HOXC5: variants seen among roughly 807,000 people sequenced by gnomAD.
HOXC5 encodes homeobox C5.
HOXC5 carries 19 observed loss-of-function variants against 20.1 expected under a neutral mutation model. The ratio of observed to expected loss-of-function variants is 0.94; its 90% CI spans 0.66 to 1.38. The LOEUF (loss-of-function observed/expected upper bound fraction) is 1.38, where lower values mean the gene tolerates loss of function less well. Among genes scored for constraint, HOXC5 ranks in the 40% most tolerant of loss-of-function variants. The pLI is 0.00. For synonymous variants in HOXC5, 124 were observed against 117.0 expected (o/e 1.06, Z -0.39); for missense variants, 330 against 300.1 (o/e 1.10, Z -0.74).
chr12:54,023,235 G>A, the HOXC5 span, among the ~76,000 whole-genome samples: 11 of 152,332 alleles, frequency 7.2e-5, no homozygotes, highest in South Asian at 2.3e-3. Context: ...GCTGGAAGGG[G>A]GCTCAGGGCT....
chr12:54,030,122 A>C, upstream of HOXC5: 7 of 642,494 alleles, frequency 1.1e-5, no homozygotes, highest in Middle Eastern at 2.6e-4. Flanking sequence ...TCAGCTCTGG[A>C]CCCCCTCCCT....
chr12:54,026,946 C>A, the HOXC5 span, among the ~76,000 whole-genome samples: 13 of 137,844 alleles, frequency 9.4e-5, no homozygotes, highest in South Asian at 2.3e-4. Flanking sequence ...TCCCCCCCCC[C>A]AACCCACCCA....
chr12:54,018,262 G>A, the HOXC5 span, among the ~76,000 whole-genome samples: 4 of 152,354 alleles, frequency 2.6e-5, no homozygotes, highest in South Asian at 8.3e-4. Context: ...ACCCCCAGCC[G>A]CGGCCATCCC....
chr12:54,027,785 C>G, the HOXC5 span, among the ~76,000 whole-genome samples: 1 of 152,166 alleles, frequency 6.6e-6, no homozygotes, highest in African/African-American at 2.4e-5. Context: ...GCCACTGTAC[C>G]CTGAAGTCTT....
At chr12:54,024,912 C>G in the HOXC5 span, among the ~76,000 whole-genome samples, 1 of 152,260 alleles carries the variant, frequency 6.6e-6, no homozygotes, top group Non-Finnish European at 1.5e-5. Context: ...TTGGAGAGGA[C>G]TGGAGAAGCA....
chr12:54,032,132 A>G (rs1214967963), upstream of HOXC5, among the ~76,000 whole-genome samples: 1 of 152,126 alleles, frequency 6.6e-6, no homozygotes, highest in East Asian at 1.9e-4. Flanking sequence ...AGTCCTCTAG[A>G]CCATTGTCTG....
At chr12:54,022,190 C>T in the HOXC5 span, 1 of 152,170 alleles carries the variant, frequency 6.6e-6, no homozygotes, top group Non-Finnish European at 1.5e-5. Context: ...TACCCCACTC[C>T]TTTCTGCAGG....
chr12:54,020,768 A>C, the HOXC5 span: 1 of 152,282 alleles, frequency 6.6e-6, no homozygotes, highest in South Asian at 2.1e-4. Flanking sequence ...ATATGTGCTC[A>C]CTGGAATCGG....
the HOXC5 span, among the ~76,000 whole-genome samples, chr12:54,019,217 G>T: frequency 7.1e-6 from 1 of 140,992 alleles, no homozygotes; most frequent in African/African-American, 2.7e-5. Flanking sequence ...CGGCAGAGGC[G>T]TCTGACGAGG....
chr12:54,030,006 C>A, upstream of HOXC5: 1 of 1,443,892 alleles, frequency 6.9e-7, no homozygotes. Flanking sequence ...CTCCCTCGCT[C>A]CCCACCAACT....
intron 1 of HOXC5, 152 bp from the exon 2 acceptor site, chr12:54,034,126 T>G (rs1227046611): frequency 2.6e-6 from 2 of 768,676 alleles, no homozygotes; most frequent in Non-Finnish European, 4.6e-6. Flanking sequence ...GGGGCTGGGC[T>G]GGGCTGGCCC....
upstream of HOXC5, chr12:54,032,897 A>G: frequency 2.6e-6 from 1 of 388,620 alleles, no homozygotes; most frequent in South Asian, 5.3e-5. Context: ...GCCGGCTTCC[A>G]TCACTAACCT....
In HOXC5 at chr12:54,033,249, T is replaced by C. The variant is rs760811906; in HGVS notation, c.127T>C (p.Leu43=). Residue 43 remains leucine (L), a synonymous_variant, in exon 1 of 2, where the codon TTG becomes CTG. Coordinates refer to ENST00000312492, the MANE Select transcript of HOXC5 (RefSeq NM_018953.4). ...GGCATCCAGGTACTGCTACGGCGGA[T>C]TGGACTTAAGCATCACTTTCCCACC... The part of the protein sequence containing the change: ...VQASRYCYGG[L]DLSITFPPPA... 29 of 1,613,982 alleles carry C rather than the reference T, an allele frequency of 1.8e-5. No homozygotes were observed. The highest frequency in any genetic ancestry group is 5.3e-5 in the African/African-American group (4 of 74,904).
intron 1 of HOXC5, 149 bp downstream of exon 1, chr12:54,033,725 C>A (rs979792331): frequency 1.5e-6 from 1 of 669,424 alleles, no homozygotes; most frequent in Non-Finnish European, 2.5e-6. Context: ...GGCTTAGAGG[C>A]TGTGTGCGCC....
At chr12:54,023,633 T>C in the HOXC5 span, among the ~76,000 whole-genome samples, 1 of 152,110 alleles carries the variant, frequency 6.6e-6, no homozygotes, top group Non-Finnish European at 1.5e-5. Flanking sequence ...TCCCTGCTGA[T>C]CCCCAGCTCC....
the HOXC5 span, chr12:54,020,469 G>A: frequency 2.0e-5 from 3 of 152,258 alleles, no homozygotes; most frequent in Non-Finnish European, 4.4e-5. Flanking sequence ...CCGACAGAAT[G>A]CGACCTTGTT....
Position 54,034,962 on chromosome 12 carries a change from A to G in HOXC5, c.*470A>G, listed in dbSNP as rs1433892932. On this transcript the variant is annotated 3_prime_UTR_variant, in exon 2 of 2. Transcript: ENST00000312492. ...CAAAGGCTGGCGAGAGTCTGGCCCTAGACTCGGGGTGCTTCCTTGTAGCGA... is the reference window on the plus strand; with the variant it reads ...CAAAGGCTGGCGAGAGTCTGGCCCTGGACTCGGGGTGCTTCCTTGTAGCGA... 2 of 188,066 alleles carry G rather than the reference A, an allele frequency of 1.1e-5. No individual in the cohort carries two copies. The highest frequency in any genetic ancestry group is 2.3e-5 in the African/African-American group (1 of 42,598). 11.6% of individuals were successfully genotyped at this position (188,066 alleles called of 1,614,324 possible). A position where few individuals can be genotyped will look rare whatever the true frequency, so the allele number is the denominator to read the frequency against.
the HOXC5 span, among the ~76,000 whole-genome samples, chr12:54,018,293 C>T: frequency 1.3e-5 from 2 of 152,218 alleles, no homozygotes; most frequent in Non-Finnish European, 2.9e-5. Context: ...CCCACTGGAC[C>T]GGGATGCCCG....
Position 54,033,171 on chromosome 12 carries a change from C to G in HOXC5, c.49C>G (p.Pro17Ala). The change falls in exon 1 of 2, where the codon CCT becomes GCT. Residue 17 changes from proline to alanine, a missense_variant. Coordinates refer to ENST00000312492, the MANE Select transcript of HOXC5 (RefSeq NM_018953.4). ...NSFYKQSPNIPAYNMQTCGNY... is the reference protein window; with the variant it reads ...NSFYKQSPNIAAYNMQTCGNY... ...ATTCTATAAGCAGAGCCCCAATATC[C>G]CTGCCTATAACATGCAAACTTGTGG... is the stretch of plus-strand genomic sequence containing the variant. The G allele has an allele frequency of 1.2e-6, 2 of 1,614,206 alleles. No homozygotes were observed. Among genetic ancestry groups the G allele is most frequent in the South Asian group, 2.2e-5 (2 of 91,084 alleles).
Sources: allele counts gnomAD v4.1 joint callset (sites outside exome capture counted in the v4.1 genomes callset), GRCh38; gene constraint gnomAD v4.1.1; transcripts MANE v1.5; gene names NCBI Gene and HGNC (gene_info 2026-07-23, HGNC 2026-07-21).